NPAS3: variants seen among roughly 807,000 people sequenced by gnomAD.
NPAS3 encodes neuronal PAS domain-containing protein 3.
Under a neutral mutation model 73.1 loss-of-function variants are expected in NPAS3, and 14 were observed. That is an observed-to-expected ratio of 0.19 (90% CI 0.13 to 0.30). The LOEUF (loss-of-function observed/expected upper bound fraction) is 0.30. Ranked by LOEUF, NPAS3 falls within the 10% of genes least tolerant of loss-of-function variation. The pLI is 1.00. For synonymous variants in NPAS3, 620 were observed against 541.5 expected (o/e 1.14, Z -2.01); for missense variants, 1,096 against 1,250.0 (o/e 0.88, Z 1.86).
intron 2 of NPAS3, among the ~76,000 whole-genome samples, chr14:33,202,707 C>CTT (rs34502647): frequency 0.21 from 30,002 of 146,252 alleles, 3,479 homozygotes; most frequent in South Asian, 0.39. Context: ...ATATTCATGT[C>CTT]TTTTTTTTTT....
At chr14:33,391,583 A>C (rs17100935) in intron 4 of NPAS3, among the ~76,000 whole-genome samples, 3,275 of 152,316 alleles carry the variant, frequency 0.022, 132 homozygotes, top group African/African-American at 0.075. Flanking sequence ...TTTTTGATTA[A>C]GAGGAAGAGA....
At chr14:33,009,619 T>G (rs1277219336) in intron 1 of NPAS3, among the ~76,000 whole-genome samples, 1 of 152,144 alleles carries the variant, frequency 6.6e-6, no homozygotes, top group Non-Finnish European at 1.5e-5. Context: ...GAGTCTTGTT[T>G]TTTCACCAAG....
intron 3 of NPAS3, among the ~76,000 whole-genome samples, chr14:33,315,946 G>C (rs1402676727): frequency 6.6e-6 from 1 of 152,076 alleles, no homozygotes; most frequent in Non-Finnish European, 1.5e-5. Context: ...ATCCTAGTTG[G>C]TGACAGTGCC....
intron 3 of NPAS3, among the ~76,000 whole-genome samples, chr14:33,347,403 C>A (rs2044792376): frequency 6.6e-6 from 1 of 152,222 alleles, no homozygotes; most frequent in South Asian, 2.1e-4. Context: ...AATGTGGACA[C>A]ACACACACAA....
At chr14:33,213,517 C>T (rs910343700) in intron 2 of NPAS3, among the ~76,000 whole-genome samples, 6 of 152,214 alleles carry the variant, frequency 3.9e-5, no homozygotes, top group Non-Finnish European at 8.8e-5. Flanking sequence ...TCTAAGACAT[C>T]TCTCACTTAT....
chr14:33,047,193 A>G (rs930894107), intron 1 of NPAS3, among the ~76,000 whole-genome samples: 2 of 152,226 alleles, frequency 1.3e-5, no homozygotes, highest in African/African-American at 4.8e-5. Context: ...ACTTATATAC[A>G]TATTATCTTT....
At chr14:33,564,430 A>G (rs545612589) in intron 5 of NPAS3, among the ~76,000 whole-genome samples, 1 of 152,208 alleles carries the variant, frequency 6.6e-6, no homozygotes, top group Non-Finnish European at 1.5e-5. Flanking sequence ...GTCGTGATCT[A>G]CACAGCAAAC....
At chr14:33,253,276 G>A (rs1594517070) in intron 3 of NPAS3, among the ~76,000 whole-genome samples, 1 of 152,152 alleles carries the variant, frequency 6.6e-6, no homozygotes, top group East Asian at 1.9e-4. Context: ...GTCCAATGAT[G>A]TGGTTATTGT....
intron 4 of NPAS3, among the ~76,000 whole-genome samples, chr14:33,461,659 G>A (rs376918447): frequency 1.3e-4 from 20 of 152,294 alleles, no homozygotes; most frequent in Non-Finnish European, 2.2e-4. Context: ...CCATGTTTGC[G>A]GTAACTGACA....
chr14:33,787,600 A>C (rs1265680481), intron 9 of NPAS3, among the ~76,000 whole-genome samples: 1 of 1,792 alleles, frequency 5.6e-4, no homozygotes, highest in Non-Finnish European at 1.1e-3. Flanking sequence ...ATAGATTTAC[A>C]AAAAAAAAAA....
At chr14:33,349,616 G>C (rs1398553445) in intron 3 of NPAS3, among the ~76,000 whole-genome samples, 1 of 151,976 alleles carries the variant, frequency 6.6e-6, no homozygotes, top group Admixed American at 6.5e-5. Context: ...TTTTTGGCTT[G>C]TTTGAAAACT....
intron 5 of NPAS3, among the ~76,000 whole-genome samples, chr14:33,561,273 G>A (rs2055637123): frequency 6.6e-6 from 1 of 152,224 alleles, no homozygotes; most frequent in African/African-American, 2.4e-5. Flanking sequence ...GGCTGTGAGT[G>A]AGTTTGCTGG....
At chr14:33,204,510 A>T (rs2046749615) in intron 2 of NPAS3, among the ~76,000 whole-genome samples, 1 of 152,132 alleles carries the variant, frequency 6.6e-6, no homozygotes, top group African/African-American at 2.4e-5. Context: ...TGGTTCAGGA[A>T]GCACAGTCTG....
At chr14:33,763,778 T>C (rs55670962) in intron 7 of NPAS3, among the ~76,000 whole-genome samples, 33,722 of 152,116 alleles carry the variant, frequency 0.22, 5,507 homozygotes, top group African/African-American at 0.45. Context: ...TACTGCAGCC[T>C]CTTGGGAATT....
intron 2 of NPAS3, among the ~76,000 whole-genome samples, chr14:33,120,632 T>C (rs2043202417): frequency 6.6e-6 from 1 of 152,146 alleles, no homozygotes; most frequent in Non-Finnish European, 1.5e-5. Context: ...CATGGGCTAA[T>C]AGCATTGGCA....
chr14:33,347,692 T>C (rs2044810758), intron 3 of NPAS3, among the ~76,000 whole-genome samples: 1 of 152,202 alleles, frequency 6.6e-6, no homozygotes, highest in African/African-American at 2.4e-5. Context: ...GTCCTTGATA[T>C]AAAATGGTAT....
At chr14:33,146,661 G>T (rs1199723885) in intron 2 of NPAS3, among the ~76,000 whole-genome samples, 2 of 152,164 alleles carry the variant, frequency 1.3e-5, no homozygotes, top group Non-Finnish European at 2.9e-5. Context: ...GGCTGAAGTG[G>T]TTTATCTTAT....
At chr14:33,652,378 G>A (rs765245790) in intron 5 of NPAS3, among the ~76,000 whole-genome samples, 5 of 152,150 alleles carry the variant, frequency 3.3e-5, no homozygotes, top group Non-Finnish European at 7.3e-5. Context: ...CTAATTTTAT[G>A]ATTATAATGA....
chr14:33,423,743 T>G (rs1026258143), intron 4 of NPAS3, among the ~76,000 whole-genome samples: 1 of 151,888 alleles, frequency 6.6e-6, no homozygotes, highest in African/African-American at 2.4e-5. Flanking sequence ...TAAATAACTG[T>G]AGGTGTTGTA....
Sources: allele counts gnomAD v4.1 joint callset (sites outside exome capture counted in the v4.1 genomes callset), GRCh38; gene constraint gnomAD v4.1.1; transcripts MANE v1.5; gene names NCBI Gene and HGNC (gene_info 2026-07-23, HGNC 2026-07-21).